ADAMTS18: variants seen among roughly 807,000 people sequenced by gnomAD.
The protein encoded by ADAMTS18 is A disintegrin and metalloproteinase with thrombospondin motifs 18.
A neutral mutation model predicts 165.9 loss-of-function variants in ADAMTS18; 157 were observed. The observed-to-expected ratio is 0.95, with a 90% CI of 0.83 to 1.08. The LOEUF (loss-of-function observed/expected upper bound fraction) is 1.08, where lower values mean the gene tolerates loss of function less well. Ranked by LOEUF, ADAMTS18 falls within the 50% of genes least tolerant of loss-of-function variation. The probability of loss-of-function intolerance (pLI) is 0.00; values close to 1 mark genes in which losing one functional copy is unlikely to be tolerated. For synonymous variants in ADAMTS18, 782 were observed against 578.2 expected, an observed-to-expected ratio of 1.35 and a Z score of -5.06; for missense variants, 2,040 against 1,534.0, an observed-to-expected ratio of 1.33 and a Z score of -5.51.
chr16:77,365,721 C>T (rs2056783761), intron 4 of ADAMTS18, among the ~76,000 whole-genome samples: 1 of 152,210 alleles, frequency 6.6e-6, no homozygotes, highest in African/African-American at 2.4e-5. Flanking sequence ...AGGGAAGTAA[C>T]TGTGTACTAA....
chr16:77,353,703 A>C, intron 10 of ADAMTS18, 30 bp downstream of exon 10: 1 of 1,614,178 alleles, frequency 6.2e-7, no homozygotes. Context: ...CAGAGTCTTA[A>C]TGTAAGTTTG....
chr16:77,285,724 T>A (rs1330823680), intron 22 of ADAMTS18, among the ~76,000 whole-genome samples: 2 of 152,186 alleles, frequency 1.3e-5, no homozygotes, highest in Non-Finnish European at 2.9e-5. Flanking sequence ...GTGAGTCAGG[T>A]ATTTCATTTA....
At chr16:77,370,103 G>A (rs1225618827) in intron 3 of ADAMTS18, among the ~76,000 whole-genome samples, 1 of 152,142 alleles carries the variant, frequency 6.6e-6, no homozygotes, top group African/African-American at 2.4e-5. Context: ...GGCCATATAT[G>A]ACAAACTCCC....
intron 16 of ADAMTS18, among the ~76,000 whole-genome samples, chr16:77,309,398 G>C (rs964994387): frequency 6.6e-6 from 1 of 152,046 alleles, no homozygotes; most frequent in African/African-American, 2.4e-5. Context: ...ATTACCCTGA[G>C]GTATATCCCT....
chr16:77,350,431 C>A (rs186017458), intron 10 of ADAMTS18, among the ~76,000 whole-genome samples: 2 of 151,974 alleles, frequency 1.3e-5, no homozygotes, highest in Non-Finnish European at 2.9e-5. Flanking sequence ...TAGAAGAAAC[C>A]GTATTGTTTA....
intron 3 of ADAMTS18, among the ~76,000 whole-genome samples, chr16:77,373,234 T>C (rs1206605590): frequency 6.6e-6 from 1 of 152,138 alleles, no homozygotes; most frequent in Admixed American, 6.5e-5. Context: ...TTCATGCCTG[T>C]AATCCCAGCA....
chr16:77,326,290 T>C (rs1042020316), intron 12 of ADAMTS18, among the ~76,000 whole-genome samples: 6 of 152,220 alleles, frequency 3.9e-5, no homozygotes, highest in African/African-American at 1.2e-4. Flanking sequence ...CTCATTAAAA[T>C]TGGCATGCTA....
chr16:77,422,462 T>C (rs34092935), intron 3 of ADAMTS18, among the ~76,000 whole-genome samples: 34,734 of 149,604 alleles, frequency 0.23, 4,197 homozygotes, highest in Non-Finnish European at 0.26. Context: ...TCTAGCCTTG[T>C]TGAAAGCTAG....
chr16:77,392,969 C>T (rs2057209072), intron 3 of ADAMTS18, among the ~76,000 whole-genome samples: 1 of 151,794 alleles, frequency 6.6e-6, no homozygotes, highest in Non-Finnish European at 1.5e-5. Context: ...TCTGAAAAAG[C>T]AGGAAAATGT....
chr16:77,376,809 C>CTTTTTTTTTT (rs549942617), intron 3 of ADAMTS18, among the ~76,000 whole-genome samples: 3 of 103,484 alleles, frequency 2.9e-5, no homozygotes, highest in African/African-American at 1.1e-4. Context: ...CTAAATCATT[C>CTTTTTTTTTT]TTTTTTTTTT....
Position 77,319,819 on chromosome 16 carries a change from C to T in ADAMTS18, c.2532+30G>A, listed in dbSNP as rs530229911. ...AACGATATAAATGTAGCAAGAAGCA[C>T]TGAGAACTGAATACACAGAAGGGGC... On this transcript the variant is annotated intron_variant, in intron 16 of 22. Transcript: ENST00000282849. The T allele has an allele frequency of 5.6e-6, 9 of 1,613,796 alleles. No individual in the cohort carries two copies. The East Asian group carries it at 1.6e-4, about 28-fold the overall frequency.
intron 21 of ADAMTS18, 56 bp downstream of exon 21, chr16:77,291,209 GC>G (rs1401364043): frequency 1.3e-6 from 2 of 1,571,502 alleles, no homozygotes; most frequent in East Asian, 4.5e-5. Flanking sequence ...TTTGCAGAAC[GC>G]CTCATTTTTC....
intron 3 of ADAMTS18, among the ~76,000 whole-genome samples, chr16:77,394,614 TA>T (rs1434846132): frequency 2.3e-4 from 35 of 152,316 alleles, no homozygotes; most frequent in Admixed American, 2.2e-3. Flanking sequence ...CAGATTAAGA[TA>T]AACACTTAAG....
intron 3 of ADAMTS18, among the ~76,000 whole-genome samples, chr16:77,395,555 A>G (rs918655244): frequency 6.6e-6 from 1 of 152,196 alleles, no homozygotes; most frequent in African/African-American, 2.4e-5. Context: ...CCCATAAAGC[A>G]TAACTTCATA....
intron 22 of ADAMTS18, among the ~76,000 whole-genome samples, chr16:77,286,847 C>A (rs369387019): frequency 6.6e-6 from 1 of 152,138 alleles, no homozygotes; most frequent in Non-Finnish European, 1.5e-5. Context: ...TGCTTTAGGG[C>A]CTTCTCTCTT....
At chr16:77,348,491 C>A (rs990449501) in intron 10 of ADAMTS18, among the ~76,000 whole-genome samples, 1 of 152,160 alleles carries the variant, frequency 6.6e-6, no homozygotes, top group South Asian at 2.1e-4. Flanking sequence ...AGAGAAGATG[C>A]TGAGACAGTA....
At chr16:77,313,390 A>G (rs1042659528) in intron 16 of ADAMTS18, among the ~76,000 whole-genome samples, 3 of 152,094 alleles carry the variant, frequency 2.0e-5, no homozygotes, top group Admixed American at 6.6e-5. Context: ...ACATGTATAC[A>G]TATGTAACAA....
At position 77,320,086 on chromosome 16, in the gene ADAMTS18, A is replaced by C; in HGVS notation, c.2295T>G (p.Tyr765Ter). ...CGCCAGCTGGAATGAGGACCACCGG[A>C]TAATATTCTAAATGGAAAGAAGAGA... ...YLNQHKANEY[Y>*]PVVLIPAGAR... The change falls in exon 16 of 23, where the codon TAT becomes TAG. Residue 765 changes from tyrosine (Y) to a stop codon, truncating the protein, a stop_gained. Transcript: ENST00000282849. LOFTEE classifies it high-confidence loss of function. 1 of 1,614,122 alleles carries C rather than the reference A, an allele frequency of 6.2e-7. No homozygotes were observed.
At chr16:77,403,771 C>T (rs1415137814) in intron 3 of ADAMTS18, among the ~76,000 whole-genome samples, 2 of 152,174 alleles carry the variant, frequency 1.3e-5, no homozygotes, top group Non-Finnish European at 2.9e-5. Context: ...CAGCCCTCCT[C>T]ACAGCACTTA....
Sources: allele counts gnomAD v4.1 joint callset (sites outside exome capture counted in the v4.1 genomes callset), GRCh38; gene constraint gnomAD v4.1.1; transcripts MANE v1.5; gene names NCBI Gene and HGNC (gene_info 2026-07-23, HGNC 2026-07-21).